The following LRRTM4 variants were observed in gnomAD, a reference collection of about 807,000 sequenced individuals.
LRRTM4 encodes the protein leucine rich repeat transmembrane neuronal 4.
In LRRTM4, 25 loss-of-function variants were observed where a neutral mutation model predicts 47.6. The ratio of observed to expected loss-of-function variants is 0.53; its 90% CI spans 0.38 to 0.73. The LOEUF (loss-of-function observed/expected upper bound fraction) is 0.73, where lower values mean the gene tolerates loss of function less well. Ranked by LOEUF, LRRTM4 falls within the 30% of genes least tolerant of loss-of-function variation. LRRTM4 has a pLI of 0.00. For missense variants in LRRTM4, 638 were observed against 713.4 expected (o/e 0.89, Z 1.20); for synonymous variants, 311 against 269.5 (o/e 1.15, Z -1.51).
chr2:77,275,845 A>C (rs1024649415), intron 3 of LRRTM4, among the ~76,000 whole-genome samples: 14 of 152,104 alleles, frequency 9.2e-5, no homozygotes, highest in Non-Finnish European at 1.5e-5. Context: ...GAATAAGATA[A>C]TAAGAGCTTT....
intron 3 of LRRTM4, among the ~76,000 whole-genome samples, chr2:76,828,631 A>G (rs1474620898): frequency 6.6e-6 from 1 of 151,794 alleles, no homozygotes; most frequent in African/African-American, 2.4e-5. Context: ...GTACAACTAA[A>G]TTTTTCTTTG....
At chr2:77,029,523 A>G (rs1019684496) in intron 3 of LRRTM4, among the ~76,000 whole-genome samples, 8 of 152,168 alleles carry the variant, frequency 5.3e-5, no homozygotes, top group Non-Finnish European at 8.8e-5. Context: ...TTAAGTCTCC[A>G]CATTCCACTT....
chr2:77,121,055 G>T (rs1471383220), intron 3 of LRRTM4, among the ~76,000 whole-genome samples: 1 of 151,626 alleles, frequency 6.6e-6, no homozygotes, highest in Non-Finnish European at 1.5e-5. Flanking sequence ...AATGACGAGA[G>T]GATGAATAAG....
At chr2:76,816,289 C>T (rs1214377951) in intron 3 of LRRTM4, among the ~76,000 whole-genome samples, 2 of 152,102 alleles carry the variant, frequency 1.3e-5, no homozygotes, top group Non-Finnish European at 2.9e-5. Flanking sequence ...CTAAGGTCCC[C>T]TAGTGCCCAC....
chr2:77,349,904 T>C (rs1671696307), intron 3 of LRRTM4, among the ~76,000 whole-genome samples: 1 of 152,178 alleles, frequency 6.6e-6, no homozygotes, highest in African/African-American at 2.4e-5. Context: ...TATACCCCTA[T>C]CTTATACCAT....
chr2:76,770,155 G>A (rs72917795), intron 3 of LRRTM4, among the ~76,000 whole-genome samples: 2,917 of 152,280 alleles, frequency 0.019, 93 homozygotes, highest in African/African-American at 0.062. Context: ...AAGGGGCTTA[G>A]ATGGAAAATG....
chr2:77,092,629 A>T (rs1301369373), intron 3 of LRRTM4, among the ~76,000 whole-genome samples: 3 of 145,680 alleles, frequency 2.1e-5, no homozygotes, highest in East Asian at 4.1e-4. Flanking sequence ...CCGAGTCAGA[A>T]AACTAAAATA....
At chr2:77,296,334 T>C (rs1676972073) in intron 3 of LRRTM4, among the ~76,000 whole-genome samples, 1 of 152,240 alleles carries the variant, frequency 6.6e-6, no homozygotes, top group Admixed American at 6.5e-5. Flanking sequence ...GGTTTTTATA[T>C]AAGTAATTTG....
At chr2:77,266,878 C>T (rs1676064959) in intron 3 of LRRTM4, among the ~76,000 whole-genome samples, 2 of 152,066 alleles carry the variant, frequency 1.3e-5, no homozygotes, top group East Asian at 3.9e-4. Flanking sequence ...TCACAACCTG[C>T]TCCTGAAAGC....
chr2:77,103,664 G>GTATATATAT, intron 3 of LRRTM4, among the ~76,000 whole-genome samples: 1 of 143,736 alleles, frequency 7.0e-6, no homozygotes, highest in Middle Eastern at 3.6e-3. Context: ...TATATATATA[G>GTATATATAT]ATATATATAT....
intron 3 of LRRTM4, among the ~76,000 whole-genome samples, chr2:76,959,530 G>A (rs1489483046): frequency 1.3e-5 from 2 of 151,614 alleles, no homozygotes; most frequent in Admixed American, 6.6e-5. Flanking sequence ...ATTCCTGTAA[G>A]AAAGCTAGGA....
chr2:77,511,732 T>C (rs1208656292), intron 3 of LRRTM4, among the ~76,000 whole-genome samples: 1 of 152,096 alleles, frequency 6.6e-6, no homozygotes, highest in Non-Finnish European at 1.5e-5. Context: ...TTTCTGAATT[T>C]CTTACATTTT....
intron 3 of LRRTM4, among the ~76,000 whole-genome samples, chr2:76,771,692 C>T (rs1673718790): frequency 6.6e-6 from 1 of 151,484 alleles, no homozygotes; most frequent in Non-Finnish European, 1.5e-5. Flanking sequence ...TTAAGTCTGG[C>T]CTGGAAGGCA....
intron 3 of LRRTM4, among the ~76,000 whole-genome samples, chr2:77,417,176 T>C (rs1263297859): frequency 7.2e-5 from 11 of 151,956 alleles, no homozygotes; most frequent in African/African-American, 2.2e-4. Context: ...CAAATGCAAA[T>C]CAAAACCACA....
Position 77,016,033 on chromosome 2 carries a change from A to G in LRRTM4, c.1552-267117T>C, listed in dbSNP as rs539494855. ...GAAGCAGAGGTTGCAGTGAGCCGAG[A>G]TCACGCCACTGCGCTCCAGCCTGGG... On this transcript the variant is annotated intron_variant, in intron 3 of 3. Coordinates refer to ENST00000409884, the MANE Select transcript of LRRTM4 (RefSeq NM_001134745.3). 3.3e-5 allele frequency among the ~76,000 whole-genome samples: 5 copies of G among 152,220 alleles called. No individual in the cohort carries two copies. In the South Asian group the frequency reaches 1.0e-3, roughly 32 times the overall value.
intron 3 of LRRTM4, among the ~76,000 whole-genome samples, chr2:77,177,613 C>G (rs1177811031): frequency 3.3e-5 from 5 of 152,184 alleles, no homozygotes; most frequent in Admixed American, 2.0e-4. Context: ...AGGTGGTTCT[C>G]TAAGAGAAAA....
intron 3 of LRRTM4, among the ~76,000 whole-genome samples, chr2:77,488,523 T>C (rs1678014678): frequency 6.6e-6 from 1 of 152,178 alleles, no homozygotes; most frequent in Non-Finnish European, 1.5e-5. Flanking sequence ...AAGGCACCAC[T>C]GATCACAAAG....
At chr2:77,292,041 G>C (rs1309103313) in intron 3 of LRRTM4, among the ~76,000 whole-genome samples, 1 of 152,008 alleles carries the variant, frequency 6.6e-6, no homozygotes, top group Non-Finnish European at 1.5e-5. Flanking sequence ...CAAAGGACAT[G>C]AACAGACACT....
intron 3 of LRRTM4, among the ~76,000 whole-genome samples, chr2:76,826,377 G>A (rs62172146): frequency 0.48 from 71,963 of 151,094 alleles, 18,469 homozygotes; most frequent in East Asian, 0.76. Flanking sequence ...ATCTTAAATA[G>A]GTTATATAAA....
Sources: allele counts gnomAD v4.1 joint callset (sites outside exome capture counted in the v4.1 genomes callset), GRCh38; gene constraint gnomAD v4.1.1; transcripts MANE v1.5; gene names NCBI Gene and HGNC (gene_info 2026-07-23, HGNC 2026-07-21).